CDK13: variants seen among roughly 807,000 people sequenced by gnomAD.
CDK13 encodes the protein cyclin dependent kinase 13, also known as cyclin-dependent kinase 13.
Under a neutral mutation model 137.6 loss-of-function variants are expected in CDK13, and 40 were observed. The ratio of observed to expected loss-of-function variants is 0.29; its 90% CI spans 0.23 to 0.38. The LOEUF (loss-of-function observed/expected upper bound fraction) is 0.38, where lower values mean the gene tolerates loss of function less well. Among genes scored for constraint, CDK13 ranks in the 10% least tolerant of loss-of-function variants. CDK13 has a pLI of 1.00. For missense variants in CDK13, 1,704 were observed against 1,951.8 expected, an observed-to-expected ratio of 0.87 and a Z score of 2.39; for synonymous variants, 869 against 760.1, an observed-to-expected ratio of 1.14 and a Z score of -2.36.
At position 40,069,211 on chromosome 7, in the gene CDK13, G is replaced by C. The variant is rs1218181319; in HGVS notation, c.2780+6111G>C. ...GATTGCACCACTGCCCTTTAGTCTG[G>C]GCAGCAGAGCGAGACCTTGTCTCAA... is the stretch of plus-strand genomic sequence containing the variant. On this transcript the variant is annotated intron_variant, in intron 9 of 13. Transcript: ENST00000181839. 5 of 408,834 alleles carry C rather than the reference G, an allele frequency of 1.2e-5. No individual in the cohort carries two copies. In the East Asian group the frequency reaches 2.8e-4, roughly 23 times the overall value. The allele number at this position is 408,834 out of a possible 1,614,324, so 25.3% of individuals were successfully genotyped here.
chr7:39,962,376 C>G (rs1204587951), intron 1 of CDK13, among the ~76,000 whole-genome samples: 1 of 152,216 alleles, frequency 6.6e-6, no homozygotes, highest in African/African-American at 2.4e-5. Context: ...TTGCATTTCT[C>G]TGATGACCAG....
At chr7:40,026,133 A>C (rs1320421308) in intron 5 of CDK13, among the ~76,000 whole-genome samples, 1 of 152,192 alleles carries the variant, frequency 6.6e-6, no homozygotes, top group Non-Finnish European at 1.5e-5. Context: ...ATTTCAGTAG[A>C]ATTGGTTATG....
intron 5 of CDK13, among the ~76,000 whole-genome samples, chr7:40,031,130 T>C (rs1419877643): frequency 6.6e-6 from 1 of 152,238 alleles, no homozygotes; most frequent in African/African-American, 2.4e-5. Flanking sequence ...TTTCACATTT[T>C]TACCAGCATT....
Position 39,950,310 on chromosome 7 carries a change from C to T in CDK13, c.-332C>T. On this transcript the variant is annotated 5_prime_UTR_variant, in exon 1 of 14. Transcript: ENST00000181839. ...GCGCGGCCAAGGCCGCTCCCCCACC[C>T]CCGGGGGCACTTGGAGGACTCGGGA... The T allele has an allele frequency of 3.6e-6, 4 of 1,109,972 alleles. No homozygotes were observed. Among genetic ancestry groups the T allele is most frequent in the Non-Finnish European group, 4.4e-6 (4 of 910,280 alleles). 68.8% of individuals were successfully genotyped at this position (1,109,972 alleles called of 1,614,324 possible). A position where few individuals can be genotyped will look rare whatever the true frequency, so the allele number is the denominator to read the frequency against.
intron 6 of CDK13, among the ~76,000 whole-genome samples, chr7:40,047,491 G>T (rs536457625): frequency 6.6e-6 from 1 of 152,042 alleles, no homozygotes; most frequent in African/African-American, 2.4e-5. Flanking sequence ...GTAATAAAAA[G>T]GATCTCATTT....
chr7:39,954,454 G>A (rs1787342284), intron 1 of CDK13, among the ~76,000 whole-genome samples: 2 of 152,318 alleles, frequency 1.3e-5, no homozygotes, highest in African/African-American at 4.8e-5. Context: ...TGAGTTCCAT[G>A]AAGGCAACTG....
chr7:39,972,288 A>G (rs1342739684), intron 1 of CDK13, among the ~76,000 whole-genome samples: 1 of 152,228 alleles, frequency 6.6e-6, no homozygotes, highest in Non-Finnish European at 1.5e-5. Flanking sequence ...TTTCAGTTTT[A>G]TGTTATCTTT....
chr7:40,030,771 A>G (rs112688106), intron 5 of CDK13, among the ~76,000 whole-genome samples: 1,777 of 152,152 alleles, frequency 0.012, 21 homozygotes, highest in Non-Finnish European at 0.017. Flanking sequence ...ATCATACAAT[A>G]CGTAGACTAT....
intron 11 of CDK13, among the ~76,000 whole-genome samples, chr7:40,079,543 C>G (rs1024881328): frequency 6.6e-5 from 10 of 152,138 alleles, no homozygotes; most frequent in African/African-American, 2.4e-4. Context: ...TCATTTATTA[C>G]ATTAATCTTT....
intron 4 of CDK13, among the ~76,000 whole-genome samples, chr7:40,000,505 T>C (rs1463093236): frequency 6.6e-6 from 1 of 152,118 alleles, no homozygotes; most frequent in African/African-American, 2.4e-5. Flanking sequence ...ATTGGACCAC[T>C]GCACTCCAGT....
chr7:40,000,267 T>C (rs1277332662), intron 4 of CDK13, among the ~76,000 whole-genome samples: 1 of 152,090 alleles, frequency 6.6e-6, no homozygotes, highest in Non-Finnish European at 1.5e-5. Flanking sequence ...ACCCAGCTAC[T>C]CGGGAGGCTT....
intron 9 of CDK13, chr7:40,069,511 G>T: frequency 3.3e-6 from 1 of 307,436 alleles, no homozygotes; most frequent in Non-Finnish European, 6.6e-6. Context: ...ACATGCTTAG[G>T]GTTGTGAGAA....
rs1388844180 is a variant in CDK13, at chr7:39,951,064, C to T, written c.423C>T (p.Thr141=). 7.1e-6 allele frequency: 9 copies of T among 1,276,464 alleles called. No individual in the cohort carries two copies. The highest frequency in any genetic ancestry group is 9.9e-7 in the Non-Finnish European group (1 of 1,013,344). 79.1% of individuals were successfully genotyped at this position (1,276,464 alleles called of 1,614,324 possible). Residue 141 remains threonine (T), a synonymous_variant, in exon 1 of 14, where the codon ACC becomes ACT. Transcript: ENST00000181839. ...GTGCTAGTAGCGGCGGGGGTGTGAC[C>T]CCGCTGGTGGAATACGAGGATGTGA... ...GGGASSGGGV[T]PLVEYEDVSS... is the part of the protein sequence containing the mutation.
chr7:40,086,048 T>C (rs1482907371), intron 11 of CDK13, among the ~76,000 whole-genome samples: 4 of 152,214 alleles, frequency 2.6e-5, no homozygotes, highest in Admixed American at 2.6e-4. Flanking sequence ...CTATATGTAC[T>C]CATAAAAGGT....
intron 2 of CDK13, among the ~76,000 whole-genome samples, chr7:39,992,914 G>T (rs1426048605): frequency 2.0e-5 from 3 of 152,090 alleles, no homozygotes; most frequent in African/African-American, 7.2e-5. Flanking sequence ...TGTTACAGGA[G>T]GACCAAAATA....
chr7:39,996,162 A>T (rs1161028563), intron 2 of CDK13, among the ~76,000 whole-genome samples: 1 of 152,222 alleles, frequency 6.6e-6, no homozygotes, highest in African/African-American at 2.4e-5. Flanking sequence ...ATCAAGTGGT[A>T]TTAAAGGATT....
At chr7:39,984,492 G>A (rs1018007434) in intron 1 of CDK13, 1 of 150,712 alleles carries the variant, frequency 6.6e-6, no homozygotes, top group Admixed American at 6.6e-5. Context: ...AAAAAATTTT[G>A]TGGGTGCATA....
rs1247909926 is a variant in CDK13 at position 40,003,204 on chromosome 7, A to ACTCT, written c.2353+1174_2353+1175insTCTC. On this transcript the variant is annotated intron_variant, in intron 5 of 13. Transcript: ENST00000181839. Reference sequence around the variant, plus strand: ...CACACACACACACACACACACACACACACTCTCTCTCTCTCTCTCTCTTAC... The same window carrying ACTCT: ...CACACACACACACACACACACACACACTCTCACTCTCTCTCTCTCTCTCTCTTAC... 2.3e-3 allele frequency among the ~76,000 whole-genome samples: 183 copies of ACTCT among 81,218 alleles called. 1 individual carries two copies. The highest frequency in any genetic ancestry group is 5.0e-3 in the African/African-American group (112 of 22,296). The allele number at this position is 81,218 out of a possible 152,430, so 53.3% of individuals were successfully genotyped here. A position where few individuals can be genotyped will look rare whatever the true frequency, so the allele number is the denominator to read the frequency against.
chr7:39,961,527 AACC>A, intron 1 of CDK13, among the ~76,000 whole-genome samples: 1 of 152,300 alleles, frequency 6.6e-6, no homozygotes, highest in East Asian at 1.9e-4. Context: ...AGACCCTGGT[AACC>A]ACCATTCTAC....
Sources: gnomAD v4.1 joint callset for allele counts (sites outside exome capture counted in the v4.1 genomes callset) on GRCh38, gnomAD v4.1.1 for gene constraint, MANE v1.5 for transcripts, NCBI Gene and HGNC (gene_info 2026-07-23, HGNC 2026-07-21) for gene names.